Variants in LYST observed in about 807,000 individuals in gnomAD.
The protein encoded by LYST is lysosomal-trafficking regulator.
A neutral mutation model predicts 413.6 loss-of-function variants in LYST; 192 were observed. The observed-to-expected ratio is 0.46, with a 90% CI of 0.41 to 0.52. LYST has a LOEUF of 0.52. Among genes scored for constraint, LYST ranks in the 20% least tolerant of loss-of-function variants. The probability of loss-of-function intolerance (pLI) is 0.00; values close to 1 mark genes in which losing one functional copy is unlikely to be tolerated. For synonymous variants in LYST, 1,525 were observed against 1,567.3 expected (o/e 0.97, Z 0.64); for missense variants, 3,815 against 4,499.9 (o/e 0.85, Z 4.35).
intron 18 of LYST, 133 bp from the exon 19 acceptor site, chr1:235,774,124 A>C (rs1023488716): frequency 2.4e-5 from 16 of 670,318 alleles, no homozygotes; most frequent in Non-Finnish European, 3.7e-5. Flanking sequence ...AACACTTCAC[A>C]AAGTATCTTT....
At chr1:235,736,084 C>G (rs530158259) in intron 31 of LYST, 1 of 152,092 alleles carries the variant, frequency 6.6e-6, no homozygotes, top group African/African-American at 2.4e-5. Context: ...AAAGGAAACA[C>G]ATGATTTTCT....
intron 31 of LYST, among the ~76,000 whole-genome samples, chr1:235,740,520 C>T (rs1285508961): frequency 6.6e-6 from 1 of 152,102 alleles, no homozygotes; most frequent in Non-Finnish European, 1.5e-5. Context: ...ACAGATTGTA[C>T]TCCTTTGTGT....
intron 4 of LYST, among the ~76,000 whole-genome samples, chr1:235,811,080 G>A (rs943465681): frequency 6.6e-6 from 1 of 152,234 alleles, no homozygotes; most frequent in African/African-American, 2.4e-5. Context: ...GGGAGGCAGA[G>A]GTTGCAGTGA....
At chr1:235,705,069 T>A (rs1033990360) in intron 44 of LYST, among the ~76,000 whole-genome samples, 1 of 152,196 alleles carries the variant, frequency 6.6e-6, no homozygotes, top group Non-Finnish European at 1.5e-5. Context: ...TGAATTTCCT[T>A]CCTCATTTAT....
chr1:235,745,189 C>A (rs894483251), intron 29 of LYST, among the ~76,000 whole-genome samples: 4 of 152,128 alleles, frequency 2.6e-5, no homozygotes, highest in African/African-American at 9.7e-5. Context: ...AGCTAGTTAA[C>A]ATATCTATCA....
At chr1:235,774,630 G>C (rs765001761) in intron 18 of LYST, among the ~76,000 whole-genome samples, 23 of 152,126 alleles carry the variant, frequency 1.5e-4, no homozygotes, top group Non-Finnish European at 2.6e-4. Flanking sequence ...TCTACAGAAT[G>C]AAGGGACAGC....
Position 235,806,304 on chromosome 1 carries a change from T to C in LYST, c.2832A>G (p.Ile944Met). ...AAGGCAAGACAAGGCTCTCGAGAGA[T>C]ATACATGGCAGCATATGACTTAAAG... ...SEPLSHMLPC[I>M]SLESLVLPSP... Residue 944 changes from isoleucine (I) to methionine (M), a missense_variant, in exon 6 of 53, where the codon ATA (isoleucine) becomes ATG (methionine). Physicochemically the swap from Ile to Met is conservative, Grantham distance 10 (BLOSUM62 1). Coordinates refer to ENST00000389793, the MANE Select transcript of LYST (RefSeq NM_000081.4). The C allele has an allele frequency of 1.9e-6, 3 of 1,614,032 alleles. No homozygotes were observed. The highest frequency in any genetic ancestry group is 2.5e-6 in the Non-Finnish European group (3 of 1,179,978).
upstream of LYST, among the ~76,000 whole-genome samples, chr1:235,871,617 A>G (rs777536453): frequency 3.9e-5 from 6 of 152,266 alleles, no homozygotes; most frequent in Admixed American, 6.5e-5. Context: ...AAGTCTTTGT[A>G]ATAAAGTACA....
chr1:235,867,144 G>T (rs578000636), upstream of LYST, among the ~76,000 whole-genome samples: 1 of 152,222 alleles, frequency 6.6e-6, no homozygotes, highest in Non-Finnish European at 1.5e-5. Flanking sequence ...GCCGACCCGC[G>T]GGGCTGCAGC....
At chr1:235,706,138 A>C (rs1203240409) in intron 44 of LYST, among the ~76,000 whole-genome samples, 1 of 152,190 alleles carries the variant, frequency 6.6e-6, no homozygotes, top group African/African-American at 2.4e-5. Flanking sequence ...ATGAAGCTCA[A>C]AAATCAGACC....
chr1:235,863,691 A>T (rs1680168245), intron 1 of LYST, among the ~76,000 whole-genome samples: 1 of 152,204 alleles, frequency 6.6e-6, no homozygotes, highest in African/African-American at 2.4e-5. Context: ...CAAAAGAATT[A>T]AGAAGAAAAT....
Position 235,662,893 on chromosome 1 carries a change from C to G in LYST, c.*47G>C, listed in dbSNP as rs758469221. 1 of 1,059,536 alleles carries G rather than the reference C, an allele frequency of 9.4e-7. No individual in the cohort carries two copies. The highest frequency in any genetic ancestry group is 1.6e-5 in the African/African-American group (1 of 64,344). 65.6% of individuals were successfully genotyped at this position (1,059,536 alleles called of 1,614,324 possible). A position where few individuals can be genotyped will look rare whatever the true frequency, so the allele number is the denominator to read the frequency against. On this transcript the variant is annotated 3_prime_UTR_variant, in exon 53 of 53. Transcript: ENST00000389793. ...CCTAAAACTGGTGAAGTCAACAAAT[C>G]TAGTTTGGAGTTAAAGTGCTTTGGA...
chr1:235,729,529 T>A, intron 37 of LYST, 67 bp downstream of exon 37: 1 of 1,090,244 alleles, frequency 9.2e-7, no homozygotes, highest in South Asian at 1.3e-5. Flanking sequence ...CAAAAAACAC[T>A]TTAAATAATC....
chr1:235,816,457 T>TAAAAAAAA (rs1231395765), intron 3 of LYST, among the ~76,000 whole-genome samples: 2 of 103,408 alleles, frequency 1.9e-5, no homozygotes, highest in African/African-American at 5.1e-5. Context: ...AATAAATAAA[T>TAAAAAAAA]AAAAAATAAA....
chr1:235,832,072 T>A (rs890406378), intron 2 of LYST, among the ~76,000 whole-genome samples: 5 of 152,236 alleles, frequency 3.3e-5, no homozygotes, highest in Non-Finnish European at 5.9e-5. Flanking sequence ...TCAAAGCTAC[T>A]AACGTCATTC....
intron 38 of LYST, among the ~76,000 whole-genome samples, chr1:235,727,124 C>CTTT (rs763736405): frequency 7.4e-5 from 10 of 135,112 alleles, no homozygotes; most frequent in South Asian, 2.3e-4. Flanking sequence ...TTCTTTCTTT[C>CTTT]TTTTTTTTTT....
chr1:235,664,157 TAACA>T lies in LYST; in HGVS notation c.11196-106_11196-103del, dbSNP rs1275275373. ...GTTAAAAATCATGTGGAAGGAAATG[TAACA>T]AACAATTAACAGTAGTTCCCTCTAG... On this transcript the variant is annotated intron_variant, in intron 51 of 52. Coordinates refer to ENST00000389793, the MANE Select transcript of LYST (RefSeq NM_000081.4). The surrounding 1 kb of genome is among the most constrained non-coding windows in gnomAD (Gnocchi z 4.5). 2 of 943,244 alleles carry T rather than the reference TAACA, an allele frequency of 2.1e-6. No homozygotes were observed. Among genetic ancestry groups the T allele is most frequent in the African/African-American group, 1.6e-5 (1 of 62,526 alleles). The allele number at this position is 943,244 out of a possible 1,614,324, so 58.4% of individuals were successfully genotyped here.
intron 21 of LYST, among the ~76,000 whole-genome samples, chr1:235,763,732 T>C (rs1020615931): frequency 6.6e-6 from 1 of 152,184 alleles, no homozygotes; most frequent in Non-Finnish European, 1.5e-5. Context: ...GTGCTGGGAT[T>C]ACAGCATGAA....
chr1:235,859,854 A>G (rs1442920995), intron 1 of LYST, among the ~76,000 whole-genome samples: 2 of 152,226 alleles, frequency 1.3e-5, no homozygotes, highest in East Asian at 3.8e-4. Flanking sequence ...AAAATAATAA[A>G]TGGGAATGTA....
Sources: allele counts gnomAD v4.1 joint callset (sites outside exome capture counted in the v4.1 genomes callset), GRCh38; gene constraint gnomAD v4.1.1; non-coding constraint Gnocchi (gnomAD v3.1); transcripts MANE v1.5; gene names NCBI Gene and HGNC (gene_info 2026-07-23, HGNC 2026-07-21).